The following PTCHD4 variants were observed in gnomAD, a reference collection of about 807,000 sequenced individuals.
PTCHD4 encodes patched domain-containing protein 4.
Under a neutral mutation model 58.1 loss-of-function variants are expected in PTCHD4, and 33 were observed. The ratio of observed to expected loss-of-function variants is 0.57; its 90% CI spans 0.43 to 0.76. PTCHD4 has a LOEUF of 0.76. Ranked by LOEUF, PTCHD4 falls within the 30% of genes least tolerant of loss-of-function variation. PTCHD4 has a pLI of 0.00. For missense variants in PTCHD4, 1,058 were observed against 1,027.1 expected (o/e 1.03, Z -0.41); for synonymous variants, 478 against 409.6 (o/e 1.17, Z -2.02).
intron 4 of PTCHD4, among the ~76,000 whole-genome samples, chr6:47,991,021 TAA>T (rs1443811552): frequency 6.6e-6 from 1 of 151,908 alleles, no homozygotes; most frequent in African/African-American, 2.4e-5. Flanking sequence ...AAAGGAAGTA[TAA>T]AAGACATGAG....
chr6:47,904,598 A>G (rs565378727), intron 4 of PTCHD4, among the ~76,000 whole-genome samples: 6 of 152,340 alleles, frequency 3.9e-5, no homozygotes, highest in African/African-American at 9.6e-5. Flanking sequence ...TGTGCAAAAT[A>G]GAACAGGAGC....
At chr6:48,046,940 G>C (rs1044463617) in intron 3 of PTCHD4, among the ~76,000 whole-genome samples, 22 of 151,760 alleles carry the variant, frequency 1.4e-4, no homozygotes, top group African/African-American at 5.3e-4. Context: ...CATCATGAAG[G>C]AAAAAACAGT....
chr6:47,963,725 A>G (rs1767184551), intron 4 of PTCHD4, among the ~76,000 whole-genome samples: 2 of 152,156 alleles, frequency 1.3e-5, no homozygotes, highest in South Asian at 4.1e-4. Context: ...AATGAAATAA[A>G]CCACTTTATT....
intron 4 of PTCHD4, among the ~76,000 whole-genome samples, chr6:47,964,728 T>G (rs1767220848): frequency 1.3e-5 from 2 of 152,240 alleles, no homozygotes; most frequent in South Asian, 4.1e-4. Flanking sequence ...GTGAGTGGTT[T>G]AATCTTGTTA....
intron 4 of PTCHD4, among the ~76,000 whole-genome samples, chr6:47,893,424 T>C (rs1169098388): frequency 1.3e-5 from 2 of 152,198 alleles, no homozygotes; most frequent in African/African-American, 4.8e-5. Context: ...AGTCAGGCAT[T>C]TTGGTCCCAG....
intron 4 of PTCHD4, among the ~76,000 whole-genome samples, chr6:47,894,071 G>A (rs557363033): frequency 7.2e-5 from 11 of 152,268 alleles, no homozygotes; most frequent in African/African-American, 2.6e-4. Flanking sequence ...TGAGTTGCTG[G>A]GCAGCCAGCT....
intron 4 of PTCHD4, chr6:47,901,805 TAGGA>T: frequency 7.8e-7 from 1 of 1,276,826 alleles, no homozygotes; most frequent in Non-Finnish European, 1.0e-6. Flanking sequence ...TATTGTATCC[TAGGA>T]GTCTTCACAT....
intron 3 of PTCHD4, among the ~76,000 whole-genome samples, chr6:48,038,025 G>A (rs1026435357): frequency 4.0e-5 from 6 of 151,400 alleles, no homozygotes; most frequent in Non-Finnish European, 5.9e-5. Context: ...GCCTAGTAAT[G>A]TCACTCTCGG....
At chr6:47,982,073 A>G (rs1767899790) in intron 4 of PTCHD4, among the ~76,000 whole-genome samples, 2 of 152,212 alleles carry the variant, frequency 1.3e-5, no homozygotes, top group African/African-American at 4.8e-5. Context: ...CTGTCAAAAT[A>G]TCTCCAGCCT....
intron 3 of PTCHD4, among the ~76,000 whole-genome samples, chr6:48,039,250 G>T (rs1763757040): frequency 6.6e-6 from 1 of 152,078 alleles, no homozygotes. Context: ...AATCAATATG[G>T]ATAAATCACA....
Position 48,009,081 on chromosome 6 carries a change from C to T in PTCHD4, c.451G>A (p.Gly151Ser), listed in dbSNP as rs1389881142. ...GRNSFIGHQL[G>S]GVVEVPNSKD... ...CTGTTTGGCACTTCCACTACCCCGCCCAGTTGGTGTCCAATAAAACTGTTC... is the reference window on the plus strand; with the variant it reads ...CTGTTTGGCACTTCCACTACCCCGCTCAGTTGGTGTCCAATAAAACTGTTC... Residue 151 changes from glycine (G) to serine (S), a missense_variant, in exon 4 of 5, where the codon GGC (glycine) becomes AGC (serine). Transcript: ENST00000339488. 1 of 1,612,976 alleles carries T rather than the reference C, an allele frequency of 6.2e-7. No individual in the cohort carries two copies. Among genetic ancestry groups the T allele is most frequent in the Non-Finnish European group, 8.5e-7 (1 of 1,179,474 alleles).
At chr6:48,009,800 A>G (rs1233047409) in intron 3 of PTCHD4, among the ~76,000 whole-genome samples, 1 of 152,206 alleles carries the variant, frequency 6.6e-6, no homozygotes, top group Non-Finnish European at 1.5e-5. Context: ...ACCTTTTCTT[A>G]TTGATGACAG....
At chr6:48,084,731 C>T (rs201846920) in intron 1 of PTCHD4, among the ~76,000 whole-genome samples, 1 of 148,246 alleles carries the variant, frequency 6.7e-6, no homozygotes, top group African/African-American at 2.5e-5. Flanking sequence ...TTTTTTCTTT[C>T]TTTCTTTTTT....
chr6:47,938,282 A>G (rs1373979786), intron 4 of PTCHD4, among the ~76,000 whole-genome samples: 1 of 152,238 alleles, frequency 6.6e-6, no homozygotes, highest in East Asian at 1.9e-4. Context: ...GTCAATGGGA[A>G]CTGGACATGA....
At chr6:47,985,679 C>T (rs924173961) in intron 4 of PTCHD4, among the ~76,000 whole-genome samples, 1 of 151,630 alleles carries the variant, frequency 6.6e-6, no homozygotes, top group Non-Finnish European at 1.5e-5. Context: ...ATTGCCATGC[C>T]CTATTTTTCA....
Position 48,002,862 on chromosome 6 carries a change from C to T in PTCHD4, c.898+5772G>A, listed in dbSNP as rs79166071. On this transcript the variant is annotated intron_variant, in intron 4 of 4. Transcript: ENST00000339488. ...ATTACCCTTTCATTTTCAGCATTCC[C>T]CCAAGCAGCTCTTTTCAAAGTCACC... Among the ~76,000 whole-genome samples the T allele has an allele frequency of 3.0e-3, 450 of 152,164 alleles. 3 individuals are homozygous for T. The highest frequency in any genetic ancestry group is 0.01 in the African/African-American group (426 of 41,530).
intron 4 of PTCHD4, among the ~76,000 whole-genome samples, chr6:47,936,843 A>C (rs553357689): frequency 6.6e-6 from 1 of 152,354 alleles, no homozygotes; most frequent in East Asian, 1.9e-4. Context: ...ACAATAGAAA[A>C]AAGTAGAGTA....
At chr6:47,918,399 A>C (rs960192405) in intron 4 of PTCHD4, among the ~76,000 whole-genome samples, 10 of 152,180 alleles carry the variant, frequency 6.6e-5, no homozygotes, top group African/African-American at 2.4e-4. Flanking sequence ...GGGAAATACA[A>C]TGGTGTGGGA....
rs934156860 is a variant in PTCHD4, at chr6:47,869,329, G to A, written c.*8974C>T. Among the ~76,000 whole-genome samples, 2 of 151,668 alleles carry A rather than the reference G, an allele frequency of 1.3e-5. No individual in the cohort carries two copies. The highest frequency in any genetic ancestry group is 2.4e-5 in the African/African-American group (1 of 41,354). ...AATCTCTGGGTACTACTGAGGAGCC[G>A]CTGGCTCACTCATTGTCTCCATCTT... is the stretch of plus-strand genomic sequence containing the variant. On this transcript the variant is annotated 3_prime_UTR_variant, in exon 5 of 5. Transcript: ENST00000339488.
Sources: allele counts gnomAD v4.1 joint callset (sites outside exome capture counted in the v4.1 genomes callset), GRCh38; gene constraint gnomAD v4.1.1; transcripts MANE v1.5; gene names NCBI Gene and HGNC (gene_info 2026-07-23, HGNC 2026-07-21).